Variants in ASAP3 observed in about 807,000 individuals in gnomAD.
The protein encoded by ASAP3 is ArfGAP with SH3 domain, ankyrin repeat and PH domain 3, also known as arf-GAP with SH3 domain, ANK repeat and PH domain-containing protein 3.
In ASAP3, 85 loss-of-function variants were observed where a neutral mutation model predicts 118.2. The ratio of observed to expected loss-of-function variants is 0.72; its 90% CI spans 0.60 to 0.86. The LOEUF (loss-of-function observed/expected upper bound fraction) is 0.86. Ranked by LOEUF, ASAP3 falls within the 40% of genes least tolerant of loss-of-function variation. The pLI, the probability that ASAP3 is intolerant of heterozygous loss-of-function variation, is 0.00. For synonymous variants in ASAP3, 432 were observed against 477.4 expected, an observed-to-expected ratio of 0.90 and a Z score of 1.24; for missense variants, 1,026 against 1,175.0, an observed-to-expected ratio of 0.87 and a Z score of 1.85.
At chr1:23,479,305 A>G (rs1268492861) in intron 1 of ASAP3, among the ~76,000 whole-genome samples, 1 of 152,140 alleles carries the variant, frequency 6.6e-6, no homozygotes, top group Non-Finnish European at 1.5e-5. Flanking sequence ...AACAAGAATG[A>G]CGAAGCAGCT....
intron 1 of ASAP3, among the ~76,000 whole-genome samples, chr1:23,467,404 C>T (rs1641810400): frequency 6.6e-6 from 1 of 152,038 alleles, no homozygotes; most frequent in South Asian, 2.1e-4. Context: ...AGTGTTTTCC[C>T]CACTGACTGT....
In ASAP3 at chr1:23,431,770, C is replaced by T. The variant is rs1294470608; in HGVS notation, c.2472G>A (p.Glu824=). 6.5e-7 allele frequency: 1 copy of T among 1,527,030 alleles called. No individual in the cohort carries two copies. 94.6% of individuals were successfully genotyped at this position (1,527,030 alleles called of 1,614,324 possible). A position where few individuals can be genotyped will look rare whatever the true frequency, so the allele number is the denominator to read the frequency against. Residue 824 remains glutamate (E), a synonymous_variant, in exon 23 of 25, where the codon GAG becomes GAA. Coordinates refer to ENST00000336689, the MANE Select transcript of ASAP3 (RefSeq NM_017707.4). ...GGCTGGGTCTGGAGGTGCCTGGGGGCTCTCGGAGGCCCTCTTCAGAGTTGG... is the reference window on the plus strand; with the variant it reads ...GGCTGGGTCTGGAGGTGCCTGGGGGTTCTCGGAGGCCCTCTTCAGAGTTGG... ...APPNSEEGLR[E]PPGTSRPSLT... is the part of the protein sequence containing the mutation.
At position 23,438,800 on chromosome 1, in the gene ASAP3, G is replaced by A. The variant is rs1409892131; in HGVS notation, c.1049C>T (p.Thr350Met). ...NRPPVKLTLL[T>M]CQVRPNPEEK... ...CTCAGGGTTTGGCCTCACTTGGCACGTCAGCAGGGTCAGCTTCACCGGGGG... is the reference window on the plus strand; with the variant it reads ...CTCAGGGTTTGGCCTCACTTGGCACATCAGCAGGGTCAGCTTCACCGGGGG... The change falls in exon 12 of 25, where the codon ACG becomes ATG. Residue 350 changes from threonine (T) to methionine (M), a missense_variant. Physicochemically the swap from Thr to Met is moderately conservative, Grantham distance 81 (BLOSUM62 -1). Transcript: ENST00000336689. The surrounding 1 kb of genome is among the most constrained non-coding windows in gnomAD (Gnocchi z 4.9). 6.2e-6 allele frequency: 10 copies of A among 1,614,222 alleles called. No individual in the cohort carries two copies. The highest frequency in any genetic ancestry group is 1.6e-4 in the Middle Eastern group (1 of 6,062).
chr1:23,466,611 G>A (rs752616955), intron 1 of ASAP3, among the ~76,000 whole-genome samples: 4 of 152,188 alleles, frequency 2.6e-5, no homozygotes, highest in Non-Finnish European at 5.9e-5. Flanking sequence ...ATGCCCAGCT[G>A]CCCTGCCTAG....
At chr1:23,445,577 T>C (rs1267841152) in intron 5 of ASAP3, among the ~76,000 whole-genome samples, 5 of 151,964 alleles carry the variant, frequency 3.3e-5, no homozygotes, top group Non-Finnish European at 7.4e-5. Flanking sequence ...TGTTACCATA[T>C]CTTTCAATAG....
intron 5 of ASAP3, among the ~76,000 whole-genome samples, chr1:23,445,390 T>C (rs950788173): frequency 3.3e-5 from 5 of 151,702 alleles, no homozygotes; most frequent in Non-Finnish European, 7.4e-5. Context: ...ACTCAAAAGG[T>C]TGAGGTAGGA....
At chr1:23,434,455 G>A in intron 18 of ASAP3, 78 bp downstream of exon 18, 2 of 1,601,838 alleles carry the variant, frequency 1.2e-6, no homozygotes, top group Non-Finnish European at 1.7e-6. Context: ...GAGGGGAAAG[G>A]AGGGAAGAGA....
At position 23,436,795 on chromosome 1, in the gene ASAP3, G is replaced by A. The variant is rs1366520147; in HGVS notation, c.1476+116C>T. The A allele has an allele frequency of 1.3e-6, 2 of 1,543,250 alleles. No individual in the cohort carries two copies. Among genetic ancestry groups the A allele is most frequent in the East Asian group, 2.3e-5 (1 of 43,352 alleles). ...CCCGCCCCTGACCACCCGCTACCTG[G>A]CTTGTCCCAGCCCACCTCGGCCAGG... On this transcript the variant is annotated intron_variant, in intron 15 of 24. Transcript: ENST00000336689. The surrounding 1 kb of genome is among the most constrained non-coding windows in gnomAD (Gnocchi z 4.2).
chr1:23,435,313 G>A (rs887892470), intron 17 of ASAP3, among the ~76,000 whole-genome samples: 14 of 152,344 alleles, frequency 9.2e-5, no homozygotes, highest in African/African-American at 3.4e-4. Flanking sequence ...ACAGGCGTGA[G>A]CCACCACACC....
chr1:23,436,084 C>T lies in ASAP3; in HGVS notation c.1572-56G>A, dbSNP rs542243272. ...ATGGACCGTGTCTGCCCAGCTGATC[C>T]CTGGGGCCCTCCCACAGGAGATACA... On this transcript the variant is annotated intron_variant, in intron 16 of 24. Coordinates refer to ENST00000336689, the MANE Select transcript of ASAP3 (RefSeq NM_017707.4). The surrounding 1 kb of genome is among the most constrained non-coding windows in gnomAD (Gnocchi z 4.2). The T allele has an allele frequency of 3.2e-6, 5 of 1,581,714 alleles. No individual in the cohort carries two copies. In the South Asian group the frequency reaches 5.5e-5, roughly 18 times the overall value.
rs1364974639 is a variant in ASAP3 at position 23,451,513 on chromosome 1, G to T, written c.439C>A (p.Leu147Met). 1 of 1,614,084 alleles carries T rather than the reference G, an allele frequency of 6.2e-7. No homozygotes were observed. Among genetic ancestry groups the T allele is most frequent in the Non-Finnish European group, 8.5e-7 (1 of 1,180,038 alleles). Residue 147 changes from leucine to methionine, a missense_variant, in exon 5 of 25, where the codon CTG becomes ATG. Physicochemically the swap from Leu to Met is conservative, Grantham distance 15 (BLOSUM62 2). Coordinates refer to ENST00000336689, the MANE Select transcript of ASAP3 (RefSeq NM_017707.4). The part of the protein sequence containing the change: ...RDGRQDSKKQ[L>M]EKAWKDYEAK... ...TCATAGTCCTTCCATGCCTTCTCCA[G>T]CTGTTTTTTGGAATCCTGTGGGTTA...
intron 1 of ASAP3, among the ~76,000 whole-genome samples, chr1:23,468,610 C>T (rs538885763): frequency 3.9e-5 from 6 of 152,144 alleles, no homozygotes; most frequent in African/African-American, 7.2e-5. Flanking sequence ...CGGTGGCTCA[C>T]GCCTGTAATC....
At chr1:23,449,578 G>A (rs1334413940) in intron 5 of ASAP3, among the ~76,000 whole-genome samples, 1 of 152,092 alleles carries the variant, frequency 6.6e-6, no homozygotes, top group Non-Finnish European at 1.5e-5. Context: ...ACGCATATCT[G>A]GCTACACCTG....
chr1:23,455,778 A>T (rs1402871013), intron 3 of ASAP3, 103 bp downstream of exon 3: 27 of 1,486,052 alleles, frequency 1.8e-5, no homozygotes, highest in Non-Finnish European at 2.3e-5. Flanking sequence ...TCAGAGATCA[A>T]GGGCAAATTG....
At chr1:23,476,046 C>A (rs1642118433) in intron 1 of ASAP3, among the ~76,000 whole-genome samples, 2 of 152,014 alleles carry the variant, frequency 1.3e-5, no homozygotes, top group African/African-American at 4.8e-5. Flanking sequence ...ATATGGCACC[C>A]TTCCATCAGA....
intron 1 of ASAP3, among the ~76,000 whole-genome samples, chr1:23,468,026 G>A (rs61778882): frequency 6.6e-6 from 1 of 151,892 alleles, no homozygotes; most frequent in Non-Finnish European, 1.5e-5. Context: ...GTTTGTAAGG[G>A]AGTTTGACAC....
chr1:23,480,590 T>C (rs1414108320), intron 1 of ASAP3, among the ~76,000 whole-genome samples: 2 of 152,238 alleles, frequency 1.3e-5, no homozygotes, highest in African/African-American at 4.8e-5. Context: ...CCTGGGGTTC[T>C]TACTGATCTC....
intron 6 of ASAP3, 102 bp from the exon 7 acceptor site, chr1:23,442,373 T>G: frequency 6.4e-7 from 1 of 1,572,050 alleles, no homozygotes; most frequent in Non-Finnish European, 8.7e-7. Flanking sequence ...TGGCTGCGAC[T>G]GGGCCTTGGT....
chr1:23,461,212 G>A (rs1482237616), intron 1 of ASAP3, among the ~76,000 whole-genome samples: 1 of 152,132 alleles, frequency 6.6e-6, no homozygotes, highest in Non-Finnish European at 1.5e-5. Context: ...TGGACTTTTG[G>A]TGATGATGTG....
Sources: allele counts gnomAD v4.1 joint callset (sites outside exome capture counted in the v4.1 genomes callset), GRCh38; gene constraint gnomAD v4.1.1; non-coding constraint Gnocchi (gnomAD v3.1); transcripts MANE v1.5; gene names NCBI Gene and HGNC (gene_info 2026-07-23, HGNC 2026-07-21).